The following ANOS1 variants were observed in gnomAD, a reference collection of about 807,000 sequenced individuals.
ANOS1 encodes anosmin 1, also known as anosmin-1.
Under a neutral mutation model 59.0 loss-of-function variants are expected in ANOS1, and 6 were observed. The ratio of observed to expected loss-of-function variants is 0.10; its 90% CI spans 0.06 to 0.20. The LOEUF (loss-of-function observed/expected upper bound fraction) is 0.20. ANOS1 is among the 10% of genes least tolerant of loss of function. The pLI is 1.00. For synonymous variants in ANOS1, 217 were observed against 223.4 expected (o/e 0.97, Z 0.25); for missense variants, 433 against 542.3 (o/e 0.80, Z 2.00).
chrX:8,663,861 C>A (rs1399235596), intron 2 of ANOS1, among the ~76,000 whole-genome samples: 1 of 111,994 alleles, frequency 8.9e-6, no homozygotes, highest in Non-Finnish European at 1.9e-5. Flanking sequence ...TACATATGCA[C>A]CATAGAATAC....
At chrX:8,674,509 T>C (rs192629718) in intron 2 of ANOS1, among the ~76,000 whole-genome samples, 61 of 112,276 alleles carry the variant, frequency 5.4e-4, no homozygotes, top group African/African-American at 1.6e-3. Flanking sequence ...ATGTCCAATC[T>C]TTTGGCTTTC....
chrX:8,691,519 G>A (rs1379329294), intron 2 of ANOS1, among the ~76,000 whole-genome samples: 1 of 111,651 alleles, frequency 9.0e-6, no homozygotes, highest in African/African-American at 3.3e-5. Context: ...ATGGATGGAT[G>A]GATGGATGGA....
intron 1 of ANOS1, among the ~76,000 whole-genome samples, chrX:8,710,024 G>C (rs1932802754): frequency 1.8e-5 from 2 of 111,301 alleles, no homozygotes; most frequent in African/African-American, 6.5e-5. Flanking sequence ...TCCGTCTCCT[G>C]GGTTCACGCC....
At chrX:8,575,363 T>C (rs1930302736) in intron 6 of ANOS1, among the ~76,000 whole-genome samples, 1 of 112,105 alleles carries the variant, frequency 8.9e-6, no homozygotes, top group Admixed American at 9.5e-5. Flanking sequence ...GTTCGTGTTC[T>C]CGGCAATGCA....
At chrX:8,602,730 A>AATTATTATTATTATTATTATT (rs758760034) in intron 3 of ANOS1, among the ~76,000 whole-genome samples, 4 of 108,947 alleles carry the variant, frequency 3.7e-5, no homozygotes, top group African/African-American at 1.3e-4. Flanking sequence ...GTCACTCTCA[A>AATTATTATTATTATTATTATT]ATTATTATTA....
At chrX:8,653,363 T>C (rs1353192618) in intron 2 of ANOS1, among the ~76,000 whole-genome samples, 3 of 111,234 alleles carry the variant, frequency 2.7e-5, no homozygotes. Flanking sequence ...ACTGTCATTT[T>C]GCTTGGATGC....
chrX:8,590,344 T>G (rs746547912), intron 4 of ANOS1, among the ~76,000 whole-genome samples: 23 of 111,392 alleles, frequency 2.1e-4, no homozygotes, highest in African/African-American at 5.5e-4. Flanking sequence ...TTTATGGTTT[T>G]TTTGTTTGTT....
At chrX:8,539,894 A>G (rs1312116967) in intron 9 of ANOS1, 136 bp from the exon 10 acceptor site, 2 of 773,802 alleles carry the variant, frequency 2.6e-6, no homozygotes, top group African/African-American at 4.3e-5. Context: ...ACAGTGAGCC[A>G]AAGGAGGTGA....
chrX:8,731,287 G>T (rs765294086), intron 1 of ANOS1, among the ~76,000 whole-genome samples: 1 of 112,264 alleles, frequency 8.9e-6, no homozygotes, highest in African/African-American at 3.2e-5. Context: ...AAGTACCCTG[G>T]CTGGGGCTCC....
intron 2 of ANOS1, among the ~76,000 whole-genome samples, chrX:8,692,186 T>A (rs181659253): frequency 0.01 from 1,144 of 111,422 alleles, 7 homozygotes; most frequent in Non-Finnish European, 0.018. Flanking sequence ...GGAAAAAAAA[T>A]AAGTAAAATA....
intron 3 of ANOS1, among the ~76,000 whole-genome samples, chrX:8,610,039 CA>C (rs1376661074): frequency 3.0e-5 from 1 of 33,321 alleles, no homozygotes; most frequent in African/African-American, 1.1e-4. Context: ...AAAAAAACAA[CA>C]ACCTTTAAAG....
intron 1 of ANOS1, among the ~76,000 whole-genome samples, chrX:8,729,278 G>A (rs1490796373): frequency 9.1e-6 from 1 of 110,318 alleles, no homozygotes; most frequent in African/African-American, 3.3e-5. Flanking sequence ...TTTATGGGTG[G>A]GCTCATTTGC....
At chrX:8,619,600 C>T (rs1206455840) in intron 3 of ANOS1, among the ~76,000 whole-genome samples, 1 of 110,823 alleles carries the variant, frequency 9.0e-6, no homozygotes, top group East Asian at 2.8e-4. Flanking sequence ...AAGACTCCGT[C>T]TCAAAAAAGA....
chrX:8,715,183 T>C (rs923717598), intron 1 of ANOS1, among the ~76,000 whole-genome samples: 4 of 112,588 alleles, frequency 3.6e-5, no homozygotes, highest in African/African-American at 6.4e-5. Flanking sequence ...TGACTTTTTT[T>C]CCTTACACAA....
At chrX:8,674,146 T>G (rs773541565) in intron 2 of ANOS1, among the ~76,000 whole-genome samples, 5 of 111,906 alleles carry the variant, frequency 4.5e-5, no homozygotes, top group Non-Finnish European at 9.4e-5. Flanking sequence ...CTGGATTATT[T>G]TTTTTCTTTT....
intron 1 of ANOS1, among the ~76,000 whole-genome samples, chrX:8,711,790 A>G (rs1269270850): frequency 8.9e-6 from 1 of 112,899 alleles, no homozygotes; most frequent in Non-Finnish European, 1.9e-5. Flanking sequence ...AATGGTTTCC[A>G]GTGCCTTATA....
intron 9 of ANOS1, among the ~76,000 whole-genome samples, chrX:8,550,778 GAA>G (rs1307132205): frequency 1.0e-5 from 1 of 97,601 alleles, no homozygotes. Flanking sequence ...AGATCAGAAG[GAA>G]AAAAAAAAAA....
chrX:8,642,320 T>C (rs914197669), intron 2 of ANOS1, among the ~76,000 whole-genome samples: 2 of 111,345 alleles, frequency 1.8e-5, no homozygotes, highest in Non-Finnish European at 3.8e-5. Flanking sequence ...AGTCAATCTA[T>C]GTAGGGAAAG....
chrX:8,693,588 GAGTT>G (rs1932638269), intron 2 of ANOS1, among the ~76,000 whole-genome samples: 1 of 110,974 alleles, frequency 9.0e-6, no homozygotes, highest in African/African-American at 3.3e-5. Context: ...TGATGGAAAA[GAGTT>G]AGAATTGTGA....
Sources: allele counts gnomAD v4.1 joint callset (sites outside exome capture counted in the v4.1 genomes callset), GRCh38; gene constraint gnomAD v4.1.1; transcripts MANE v1.5; gene names NCBI Gene and HGNC (gene_info 2026-07-23, HGNC 2026-07-21).